The following TBX1 variants were observed in gnomAD, a reference collection of about 807,000 sequenced individuals.
TBX1 encodes the protein T-box transcription factor 1.
In TBX1, 16 loss-of-function variants were observed where a neutral mutation model predicts 40.8. The observed-to-expected ratio is 0.39, with a 90% CI of 0.27 to 0.60. The LOEUF is 0.60. TBX1 is among the 20% of genes least tolerant of loss of function. TBX1 has a pLI of 0.51. For missense variants in TBX1, 755 were observed against 728.5 expected, an observed-to-expected ratio of 1.04 and a Z score of -0.42; for synonymous variants, 403 against 336.8, an observed-to-expected ratio of 1.20 and a Z score of -2.15.
rs765951294 is a variant in TBX1 at position 19,779,442 on chromosome 22, C to G, written c.*35C>G. On this transcript the variant is annotated 3_prime_UTR_variant, in exon 9 of 9. Transcript: ENST00000329705. ...CCGGGCCATGGGCACATGGAGTTGT[C>G]GTGTTTCCCTTCACTTTGGTTCATG... 3 of 1,613,240 alleles carry G rather than the reference C, an allele frequency of 1.9e-6. No individual in the cohort carries two copies. In the South Asian group the frequency reaches 3.3e-5, roughly 18 times the overall value.
In TBX1 at chr22:19,760,813, TGGCGGGGGC is replaced by T; in HGVS notation, c.-25_-17del. ...CGGCGCGGGGCAGCGCTCAGCTTGG[TGGCGGGGGC>T]GGCGGCGGCGGCCCGCGGGTCATGA... On this transcript the variant is annotated 5_prime_UTR_variant, in exon 1 of 7. Transcript: ENST00000649276. 1 of 687,620 alleles carries T rather than the reference TGGCGGGGGC, an allele frequency of 1.5e-6. No homozygotes were observed. The highest frequency in any genetic ancestry group is 1.7e-6 in the Non-Finnish European group (1 of 580,980). 42.6% of individuals were successfully genotyped at this position (687,620 alleles called of 1,614,324 possible).
At chr22:19,762,303 G>A (rs1341131769) in intron 1 of TBX1, among the ~76,000 whole-genome samples, 1 of 152,392 alleles carries the variant, frequency 6.6e-6, no homozygotes, top group South Asian at 2.1e-4. Flanking sequence ...TCGGGTGGGG[G>A]AGGGAGCGGG....
At chr22:19,766,313 C>T in intron 6 of TBX1, 76 bp from the exon 7 acceptor site, 1 of 1,222,548 alleles carries the variant, frequency 8.2e-7, no homozygotes, top group Non-Finnish European at 1.0e-6. Flanking sequence ...CTTCTCTCCG[C>T]CAGGGCCTCG....
At chr22:19,757,869 C>T (rs1321465715), upstream of TBX1, among the ~76,000 whole-genome samples, 1 of 152,184 alleles carries the variant, frequency 6.6e-6, no homozygotes, top group Non-Finnish European at 1.5e-5. Flanking sequence ...AGAATGACTA[C>T]TCAGGGCAAG....
chr22:19,779,818 G>A (rs892592606), downstream of TBX1, among the ~76,000 whole-genome samples: 7 of 152,108 alleles, frequency 4.6e-5, no homozygotes, highest in African/African-American at 1.7e-4. Flanking sequence ...TTTCTCCGAC[G>A]TGCTCTTAGC....
At chr22:19,764,656 T>C (rs189827015) in intron 3 of TBX1, among the ~76,000 whole-genome samples, 1 of 152,272 alleles carries the variant, frequency 6.6e-6, no homozygotes, top group Admixed American at 6.5e-5. Context: ...GATGGGGCCC[T>C]GCAAGGGGGC....
At chr22:19,779,332 C>CTGCCCCGCAGAG in exon 9 of TBX1, 1 of 1,614,230 alleles carries the variant, frequency 6.2e-7, no homozygotes, top group Non-Finnish European at 8.5e-7. Flanking sequence ...TGGGGCTCCC[C>CTGCCCCGCAGAG]TGCCCCGCAG....
At chr22:19,767,915 T>G (rs1936916641), downstream of TBX1, among the ~76,000 whole-genome samples, 1 of 152,194 alleles carries the variant, frequency 6.6e-6, no homozygotes, top group African/African-American at 2.4e-5. Flanking sequence ...TGACTTTATT[T>G]GCTGTGAGTG....
At chr22:19,774,085 CAAAAA>C (rs1316359789) in intron 8 of TBX1, among the ~76,000 whole-genome samples, 1 of 152,188 alleles carries the variant, frequency 6.6e-6, no homozygotes, top group African/African-American at 2.4e-5. Context: ...TTTTAAAAAA[CAAAAA>C]CAGAAAACAA....
rs1457894457 is a variant in TBX1, at chr22:19,766,610, C to T, written c.1258C>T (p.Leu420=). Residue 420 remains leucine, a synonymous_variant, in exon 7 of 7, where the codon CTG becomes TTG. Transcript: ENST00000649276. The stretch of plus-strand genomic sequence containing the variant: ...GGAGGCGCCCGGCGCATCGGAGCCG[C>T]TGCACCACCACCCCTACAAATATCC... ...RLEAPGASEP[L]HHHPYKYPAA... is the part of the protein sequence containing the mutation. 1 of 1,522,892 alleles carries T rather than the reference C, an allele frequency of 6.6e-7. No individual in the cohort carries two copies. Among genetic ancestry groups the T allele is most frequent in the Admixed American group, 1.9e-5 (1 of 52,096 alleles). 94.3% of individuals were successfully genotyped at this position (1,522,892 alleles called of 1,614,324 possible). A position where few individuals can be genotyped will look rare whatever the true frequency, so the allele number is the denominator to read the frequency against.
At chr22:19,761,782 A>G (rs1377342291) in intron 1 of TBX1, among the ~76,000 whole-genome samples, 1 of 152,228 alleles carries the variant, frequency 6.6e-6, no homozygotes, top group Non-Finnish European at 1.5e-5. Context: ...GGAGAGGATT[A>G]CCCTTAAAAA....
downstream of TBX1, among the ~76,000 whole-genome samples, chr22:19,780,442 G>A (rs749001964): frequency 1.8e-4 from 27 of 152,130 alleles, no homozygotes; most frequent in African/African-American, 5.1e-4. Context: ...AGCCTGTGTC[G>A]GAACTCCCTG....
chr22:19,773,350 G>T (rs1937018957), intron 8 of TBX1, among the ~76,000 whole-genome samples: 1 of 152,112 alleles, frequency 6.6e-6, no homozygotes, highest in Non-Finnish European at 1.5e-5. Flanking sequence ...GCCAGGAGGT[G>T]GACACCAACA....
upstream of TBX1, among the ~76,000 whole-genome samples, chr22:19,757,610 C>G (rs1012831348): frequency 1.3e-5 from 2 of 152,202 alleles, no homozygotes; most frequent in Non-Finnish European, 2.9e-5. Flanking sequence ...TGGGTGCAGA[C>G]TGCCAACACA....
chr22:19,773,643 A>G (rs536155553), intron 8 of TBX1, among the ~76,000 whole-genome samples: 2 of 152,118 alleles, frequency 1.3e-5, no homozygotes, highest in African/African-American at 4.8e-5. Flanking sequence ...TGCCACTGTC[A>G]CCTCCTGACC....
At chr22:19,769,777 G>A (rs1936957382), downstream of TBX1, among the ~76,000 whole-genome samples, 2 of 152,234 alleles carry the variant, frequency 1.3e-5, no homozygotes, top group African/African-American at 2.4e-5. Context: ...ATTAGGTCAC[G>A]AGCGTGGAGT....
chr22:19,768,953 CTTTTTTTTTTTTT>C (rs36085623), downstream of TBX1, among the ~76,000 whole-genome samples: 4 of 66,108 alleles, frequency 6.1e-5, no homozygotes, highest in East Asian at 2.2e-3. Flanking sequence ...TGTTCGCATT[CTTTTTTTTTTTTT>C]TTTTTTTTTT....
In TBX1 at chr22:19,764,309, C is replaced by A; in HGVS notation, c.694C>A (p.Leu232Met). 6.2e-7 allele frequency: 1 copy of A among 1,612,708 alleles called. No individual in the cohort carries two copies. The highest frequency in any genetic ancestry group is 8.5e-7 in the Non-Finnish European group (1 of 1,179,932). Residue 232 changes from leucine to methionine, a missense_variant, in exon 3 of 7, where the codon CTG becomes ATG. Leu to Met is a conservative substitution (Grantham distance 15). This residue lies in a region of TBX1 where 144 missense variants were observed against 238.0 expected (regional missense o/e 0.61). Coordinates refer to ENST00000649276, the MANE Select transcript of TBX1 (RefSeq NM_001379200.1). Reference sequence around the variant, plus strand: ...CAAGCTCAAGCTGACCAACAACCTACTGGACGACAACGGCCACGTGAGCGA... The same window carrying A: ...CAAGCTCAAGCTGACCAACAACCTAATGGACGACAACGGCCACGTGAGCGA... ...FDKLKLTNNLLDDNGHIILNS... is the reference protein window; with the variant it reads ...FDKLKLTNNLMDDNGHIILNS...
chr22:19,779,157 GAA>G (rs1937111177), intron 8 of TBX1: 2 of 1,588,050 alleles, frequency 1.3e-6, no homozygotes, highest in Admixed American at 3.3e-5. Flanking sequence ...TGATCTGCAA[GAA>G]AAGAGAGGCA....
Sources: gnomAD v4.1 joint callset for allele counts (sites outside exome capture counted in the v4.1 genomes callset) on GRCh38, gnomAD v4.1.1 for gene constraint, gnomAD v4.1.1 regional missense constraint, MANE v1.5 for transcripts, NCBI Gene and HGNC (gene_info 2026-07-23, HGNC 2026-07-21) for gene names.